Variants in PCNX2 observed in about 807,000 individuals in gnomAD.
PCNX2 encodes the protein pecanex-like protein 2.
Under a neutral mutation model 223.8 loss-of-function variants are expected in PCNX2, and 168 were observed. That is an observed-to-expected ratio of 0.75 (90% CI 0.66 to 0.85). The LOEUF is 0.85. Ranked by LOEUF, PCNX2 falls within the 40% of genes least tolerant of loss-of-function variation. The probability of loss-of-function intolerance (pLI) is 0.00; values close to 1 mark genes in which losing one functional copy is unlikely to be tolerated. For missense variants in PCNX2, 2,507 were observed against 2,675.5 expected (o/e 0.94, Z 1.39); for synonymous variants, 1,006 against 1,052.6 (o/e 0.96, Z 0.86).
At chr1:232,994,046 G>A (rs1444707980) in intron 32 of PCNX2, among the ~76,000 whole-genome samples, 1 of 152,258 alleles carries the variant, frequency 6.6e-6, no homozygotes, top group Admixed American at 6.5e-5. Flanking sequence ...CTAGGGCAGT[G>A]CAGAAGGGAA....
intron 23 of PCNX2, among the ~76,000 whole-genome samples, chr1:233,089,170 C>T (rs1673748971): frequency 6.8e-6 from 1 of 146,020 alleles, no homozygotes; most frequent in East Asian, 2.0e-4. Flanking sequence ...TGCTGGCACT[C>T]TGCAAAATGT....
intron 21 of PCNX2, among the ~76,000 whole-genome samples, chr1:233,101,885 T>A (rs2102959610): frequency 6.6e-6 from 1 of 152,174 alleles, no homozygotes; most frequent in South Asian, 2.1e-4. Context: ...GCAAAAAGAG[T>A]TTGCCTTCTG....
At chr1:233,248,276 T>C (rs960800394) in intron 8 of PCNX2, among the ~76,000 whole-genome samples, 1 of 151,736 alleles carries the variant, frequency 6.6e-6, no homozygotes, top group East Asian at 1.9e-4. Context: ...GCCAGCCCCT[T>C]CCAGTCTCGG....
At chr1:233,188,051 A>G (rs557743131) in intron 15 of PCNX2, among the ~76,000 whole-genome samples, 8 of 152,364 alleles carry the variant, frequency 5.3e-5, no homozygotes, top group Admixed American at 2.6e-4. Context: ...ATTGCCGTGT[A>G]ACAAATTACC....
intron 28 of PCNX2, among the ~76,000 whole-genome samples, chr1:233,008,518 T>A (rs542869230): frequency 6.6e-6 from 1 of 152,260 alleles, no homozygotes; most frequent in East Asian, 1.9e-4. Context: ...TTGGTGAGGG[T>A]CTTGCTAGGA....
At chr1:233,052,610 G>A (rs1449208905) in intron 25 of PCNX2, among the ~76,000 whole-genome samples, 2 of 152,088 alleles carry the variant, frequency 1.3e-5, no homozygotes, top group African/African-American at 2.4e-5. Flanking sequence ...CATTTCATGC[G>A]ATACTCATTT....
intron 21 of PCNX2, chr1:233,112,896 A>G (rs1444663730): frequency 2.3e-6 from 3 of 1,289,308 alleles, no homozygotes; most frequent in African/African-American, 1.5e-5. Context: ...AGCCCCTCCC[A>G]TGAGATGAAC....
intron 23 of PCNX2, among the ~76,000 whole-genome samples, chr1:233,061,420 G>A (rs150418883): frequency 2.4e-3 from 362 of 152,266 alleles, no homozygotes; most frequent in African/African-American, 8.0e-3. Context: ...GATTTGGCAC[G>A]AGACATTTCC....
At position 233,095,921 on chromosome 1, in the gene PCNX2, A is replaced by T. The variant is rs1050553119; in HGVS notation, c.3838-58T>A. On this transcript the variant is annotated intron_variant, in intron 21 of 33. Coordinates refer to ENST00000258229, the MANE Select transcript of PCNX2 (RefSeq NM_014801.4). ...GGACAATGACAACAGTGGTAACTGC[A>T]TCAAGGTCACTTAAAGGACATTTGT... The T allele has an allele frequency of 8.6e-6, 11 of 1,273,582 alleles. No individual in the cohort carries two copies. The Admixed American group carries it at 2.1e-4, about 24-fold the overall frequency. 78.9% of individuals were successfully genotyped at this position (1,273,582 alleles called of 1,614,324 possible).
chr1:233,135,285 T>C (rs879212471), intron 20 of PCNX2, 95 bp from the exon 21 acceptor site: 2 of 1,322,650 alleles, frequency 1.5e-6, no homozygotes, highest in Non-Finnish European at 2.1e-6. Flanking sequence ...TGATGGTTCA[T>C]TAAGAACTTT....
intron 23 of PCNX2, among the ~76,000 whole-genome samples, chr1:233,081,514 G>GT (rs1179991056): frequency 5.3e-5 from 8 of 152,150 alleles, no homozygotes; most frequent in African/African-American, 1.7e-4. Context: ...GTCTGGAGCT[G>GT]TAAGAACCAG....
Position 233,236,953 on chromosome 1 carries a change from G to C in PCNX2, c.2250C>G (p.Thr750=). 6.2e-7 allele frequency: 1 copy of C among 1,613,956 alleles called. No individual in the cohort carries two copies. Among genetic ancestry groups the C allele is most frequent in the Non-Finnish European group, 8.5e-7 (1 of 1,179,870 alleles). The change falls in exon 9 of 34, where the codon ACC becomes ACG. Residue 750 remains threonine, a synonymous_variant. Transcript: ENST00000258229. ...ACGGATCTTGACTCTCAGAAGTTGT[G>C]GTACTGGAGGAGCTGACCTGCATCT... The part of the protein sequence containing the change: ...AREMQVSSSS[T]TTSESQDPSS...
At chr1:233,312,300 G>A in the PCNX2 span, among the ~76,000 whole-genome samples, 17 of 152,160 alleles carry the variant, frequency 1.1e-4, no homozygotes, top group Admixed American at 1.0e-3. Context: ...AACATCGTAA[G>A]AGAATACTTT....
At chr1:233,176,416 A>G (rs1317363679) in intron 17 of PCNX2, among the ~76,000 whole-genome samples, 1 of 152,158 alleles carries the variant, frequency 6.6e-6, no homozygotes, top group Admixed American at 6.5e-5. Flanking sequence ...TGACCCAGCC[A>G]TAAGTCTAAA....
chr1:233,269,549 C>G lies in PCNX2; in HGVS notation c.154-6386G>C, dbSNP rs533193928. ...TACAATAGCATAATATCTAGGATTA[C>G]AAAGAAAATGGTCTGTGATATTCAA... On this transcript the variant is annotated intron_variant, in intron 1 of 33. Transcript: ENST00000258229. Among the ~76,000 whole-genome samples the G allele has an allele frequency of 3.3e-5, 5 of 152,218 alleles. No individual in the cohort carries two copies. In the East Asian group the frequency reaches 9.6e-4, roughly 29 times the overall value.
At chr1:233,048,652 T>A (rs1439365307) in intron 25 of PCNX2, among the ~76,000 whole-genome samples, 2 of 151,608 alleles carry the variant, frequency 1.3e-5, no homozygotes, top group East Asian at 1.9e-4. Flanking sequence ...AAGAAAGAAC[T>A]GAAATCAGAG....
intron 23 of PCNX2, among the ~76,000 whole-genome samples, chr1:233,078,325 TA>T (rs1572078246): frequency 6.6e-6 from 1 of 152,262 alleles, no homozygotes; most frequent in East Asian, 1.9e-4. Flanking sequence ...CCTTGGGGAT[TA>T]AACCCTCACT....
At chr1:233,316,909 T>G in the PCNX2 span, among the ~76,000 whole-genome samples, 33 of 152,246 alleles carry the variant, frequency 2.2e-4, no homozygotes, top group African/African-American at 7.5e-4. Flanking sequence ...CTGATCCTGC[T>G]AAAATATAAG....
chr1:233,247,376 C>T (rs1659185167), intron 8 of PCNX2, among the ~76,000 whole-genome samples: 1 of 152,226 alleles, frequency 6.6e-6, no homozygotes, highest in African/African-American at 2.4e-5. Flanking sequence ...CATATGATAG[C>T]AAACCATGTG....
Sources: gnomAD v4.1 joint callset for allele counts (sites outside exome capture counted in the v4.1 genomes callset) on GRCh38, gnomAD v4.1.1 for gene constraint, MANE v1.5 for transcripts, NCBI Gene and HGNC (gene_info 2026-07-23, HGNC 2026-07-21) for gene names.